PTPRN2: variants seen among roughly 807,000 people sequenced by gnomAD.
PTPRN2 encodes the protein protein tyrosine phosphatase receptor type N2.
In PTPRN2, 74 loss-of-function variants were observed where a neutral mutation model predicts 118.8. The observed-to-expected ratio is 0.62, with a 90% confidence interval of 0.52 to 0.76. The LOEUF (loss-of-function observed/expected upper bound fraction) is 0.76. Ranked by LOEUF, PTPRN2 falls within the 30% of genes least tolerant of loss-of-function variation. The pLI is 0.00. For missense variants in PTPRN2, 1,481 were observed against 1,394.4 expected (o/e 1.06, Z -0.99); for synonymous variants, 641 against 608.0 (o/e 1.05, Z -0.80).
At chr7:158,414,155 A>G (rs1814439191) in intron 2 of PTPRN2, among the ~76,000 whole-genome samples, 1 of 151,868 alleles carries the variant, frequency 6.6e-6, no homozygotes, top group South Asian at 2.1e-4. Flanking sequence ...ATCCTCTACC[A>G]AGTGAGTACC....
At chr7:157,551,223 T>G (rs1798580761) in intron 21 of PTPRN2, among the ~76,000 whole-genome samples, 1 of 152,058 alleles carries the variant, frequency 6.6e-6, no homozygotes, top group South Asian at 2.1e-4. Context: ...CCAAAACAAC[T>G]CAGAAATGCC....
At chr7:157,730,470 A>T (rs1462769239) in intron 12 of PTPRN2, among the ~76,000 whole-genome samples, 1 of 152,236 alleles carries the variant, frequency 6.6e-6, no homozygotes, top group Non-Finnish European at 1.5e-5. Context: ...AAGAGGTCGC[A>T]CGCCTGGCCG....
At chr7:158,522,472 CA>C (rs1563390538) in intron 1 of PTPRN2, among the ~76,000 whole-genome samples, 7 of 151,066 alleles carry the variant, frequency 4.6e-5, no homozygotes, top group South Asian at 2.1e-4. Flanking sequence ...AGGTCCACGT[CA>C]GAATGGTGGA....
intron 3 of PTPRN2, among the ~76,000 whole-genome samples, chr7:158,309,967 C>T (rs976142665): frequency 1.3e-5 from 2 of 152,134 alleles, no homozygotes; most frequent in African/African-American, 4.8e-5. Context: ...TCCCTTGCCC[C>T]GTCTGCCACA....
rs571736803 is a variant in PTPRN2 at position 157,978,893 on chromosome 7, C to T, written c.1724-80156G>A. ...GCATAGCGCCATGATGGGAGAAAGA[C>T]ATCCCCTGGGCCTTCCTGGCGACTC... is the stretch of plus-strand genomic sequence containing the variant. On this transcript the variant is annotated intron_variant, in intron 11 of 22. Transcript: ENST00000389418. Among the ~76,000 whole-genome samples the T allele has an allele frequency of 5.8e-4, 88 of 152,184 alleles. 4 individuals are homozygous for T. In the South Asian group the frequency reaches 0.018, roughly 31 times the overall value.
intron 14 of PTPRN2, among the ~76,000 whole-genome samples, chr7:157,634,533 T>C (rs1563285845): frequency 6.6e-6 from 1 of 152,148 alleles, no homozygotes; most frequent in Non-Finnish European, 1.5e-5. Flanking sequence ...ATGAGGCAAC[T>C]CCTGAAACAC....
intron 21 of PTPRN2, among the ~76,000 whole-genome samples, chr7:157,551,168 C>T (rs187709121): frequency 1.3e-5 from 2 of 152,204 alleles, no homozygotes; most frequent in East Asian, 1.9e-4. Flanking sequence ...GCATGGAGAG[C>T]GCCAGGTTAG....
At chr7:158,221,536 T>G (rs1285570662) in intron 3 of PTPRN2, among the ~76,000 whole-genome samples, 3 of 151,942 alleles carry the variant, frequency 2.0e-5, no homozygotes, top group African/African-American at 7.3e-5. Context: ...GAGCAAGAGG[T>G]TTAATGGACC....
chr7:158,324,059 G>A (rs10271400), intron 2 of PTPRN2, among the ~76,000 whole-genome samples: 1,645 of 151,136 alleles, frequency 0.011, 30 homozygotes, highest in African/African-American at 0.038. Context: ...TTGCAAACGT[G>A]CACACACACA....
In PTPRN2 at chr7:157,547,948, G is replaced by A. The variant is rs373145116; in HGVS notation, c.2976+998C>T. 2.6e-5 allele frequency among the ~76,000 whole-genome samples: 4 copies of A among 152,240 alleles called. No homozygotes were observed. The East Asian group carries it at 7.7e-4, about 29-fold the overall frequency. On this transcript the variant is annotated intron_variant, in intron 22 of 22. Coordinates refer to ENST00000389418, the MANE Select transcript of PTPRN2 (RefSeq NM_002847.5). ...CTGCTCCAGGGGAAGCTCCCTGGGG[G>A]GGCGCGTAGGGCATCGCTGGGCCTG...
intron 2 of PTPRN2, among the ~76,000 whole-genome samples, chr7:158,346,564 G>A (rs887018455): frequency 6.6e-6 from 1 of 152,208 alleles, no homozygotes; most frequent in Non-Finnish European, 1.5e-5. Context: ...ATTGTGGACA[G>A]TGCTGCAGTA....
intron 12 of PTPRN2, among the ~76,000 whole-genome samples, chr7:157,712,580 G>A (rs138014391): frequency 1.8e-3 from 270 of 152,004 alleles, no homozygotes; most frequent in African/African-American, 5.5e-3. Context: ...GTGAAACCCC[G>A]TCTCTACTTA....
intron 12 of PTPRN2, among the ~76,000 whole-genome samples, chr7:157,704,940 C>G (rs1027639588): frequency 2.0e-5 from 3 of 152,196 alleles, no homozygotes; most frequent in South Asian, 2.1e-4. Flanking sequence ...ACTCTGTGCT[C>G]GAGCACTAAC....
At position 158,579,055 on chromosome 7, in the gene PTPRN2, G is replaced by A. The variant is rs1023729578; in HGVS notation, c.112+8503C>T. Reference sequence around the variant, plus strand: ...TGGGATTACAGGCGTGAGCCACTGCGCCTGGCCAAGTCCCACTTCTTTTAT... The same window carrying A: ...TGGGATTACAGGCGTGAGCCACTGCACCTGGCCAAGTCCCACTTCTTTTAT... On this transcript the variant is annotated intron_variant, in intron 1 of 22. Coordinates refer to ENST00000389418, the MANE Select transcript of PTPRN2 (RefSeq NM_002847.5). 1.3e-4 allele frequency among the ~76,000 whole-genome samples: 20 copies of A among 152,112 alleles called. No individual in the cohort carries two copies. The East Asian group carries it at 1.3e-3, about 10-fold the overall frequency.
intron 12 of PTPRN2, among the ~76,000 whole-genome samples, chr7:157,810,901 G>A (rs1382985527): frequency 6.6e-6 from 1 of 152,102 alleles, no homozygotes; most frequent in African/African-American, 2.4e-5. Flanking sequence ...CACATCGGGG[G>A]CTCTGAAGAC....
intron 12 of PTPRN2, among the ~76,000 whole-genome samples, chr7:157,722,963 G>A (rs1799327599): frequency 6.6e-6 from 1 of 152,212 alleles, no homozygotes; most frequent in Non-Finnish European, 1.5e-5. Context: ...GCAGGGCAGG[G>A]CGATGCATTT....
rs147765539 is a variant in PTPRN2 at position 157,622,601 on chromosome 7, A to G, written c.2197-1092T>C. Among the ~76,000 whole-genome samples, 45 of 152,252 alleles carry G rather than the reference A, an allele frequency of 3.0e-4. No homozygotes were observed. Among genetic ancestry groups the G allele is most frequent in the African/African-American group, 1.1e-3 (44 of 41,548 alleles). Reference sequence around the variant, plus strand: ...CTAGTGGAAGTTTTGACCACAGCCAACCTGAACCCATGCAGCAAACACACA... The same window carrying G: ...CTAGTGGAAGTTTTGACCACAGCCAGCCTGAACCCATGCAGCAAACACACA... On this transcript the variant is annotated intron_variant, in intron 14 of 22. Transcript: ENST00000389418. The surrounding 1 kb of genome is among the most constrained non-coding windows in gnomAD (Gnocchi z 5.3).
chr7:158,202,182 A>G (rs1372258636), intron 4 of PTPRN2, among the ~76,000 whole-genome samples: 2 of 152,244 alleles, frequency 1.3e-5, no homozygotes, highest in Non-Finnish European at 2.9e-5. Context: ...CCTAAAAAAT[A>G]TACTAGAAAG....
At chr7:157,685,390 G>A (rs1410626711) in intron 12 of PTPRN2, among the ~76,000 whole-genome samples, 1 of 152,068 alleles carries the variant, frequency 6.6e-6, no homozygotes, top group Non-Finnish European at 1.5e-5. Flanking sequence ...GGTTCTGAGG[G>A]GGCGGCGGGG....
Sources: gnomAD v4.1 joint callset for allele counts (sites outside exome capture counted in the v4.1 genomes callset) on GRCh38, gnomAD v4.1.1 for gene constraint, Gnocchi (gnomAD v3.1) non-coding constraint, MANE v1.5 for transcripts, NCBI Gene and HGNC (gene_info 2026-07-23, HGNC 2026-07-21) for gene names.